CTNNA3: variants seen among roughly 807,000 people sequenced by gnomAD.
CTNNA3 encodes catenin alpha-3.
In CTNNA3, 76 loss-of-function variants were observed where a neutral mutation model predicts 95.7. That is an observed-to-expected ratio of 0.79 (90% CI 0.66 to 0.96). The LOEUF (loss-of-function observed/expected upper bound fraction) is 0.96. CTNNA3 is among the 40% of genes least tolerant of loss of function. The pLI is 0.00. For synonymous variants in CTNNA3, 431 were observed against 374.4 expected, an observed-to-expected ratio of 1.15 and a Z score of -1.74; for missense variants, 1,191 against 1,089.8, an observed-to-expected ratio of 1.09 and a Z score of -1.31.
intron 13 of CTNNA3, among the ~76,000 whole-genome samples, chr10:66,243,692 C>A (rs1415908866): frequency 1.3e-5 from 2 of 152,158 alleles, no homozygotes; most frequent in African/African-American, 4.8e-5. Context: ...ACCTTGGGTA[C>A]ATGTTTTCAG....
intron 10 of CTNNA3, among the ~76,000 whole-genome samples, chr10:66,559,817 C>T (rs923714629): frequency 2.0e-5 from 3 of 152,030 alleles, no homozygotes; most frequent in Admixed American, 6.6e-5. Flanking sequence ...CCACGCCACC[C>T]CCTTTTAAGC....
chr10:67,481,023 T>C (rs905998723), intron 5 of CTNNA3, among the ~76,000 whole-genome samples: 1 of 152,244 alleles, frequency 6.6e-6, no homozygotes, highest in Non-Finnish European at 1.5e-5. Flanking sequence ...TTAGATTTTA[T>C]TAAAAGGTTT....
At chr10:66,980,950 A>G (rs951904683) in intron 7 of CTNNA3, among the ~76,000 whole-genome samples, 1 of 152,048 alleles carries the variant, frequency 6.6e-6, no homozygotes, top group African/African-American at 2.4e-5. Context: ...CTTGTTGCCC[A>G]GGCTGGAGTG....
chr10:66,423,879 C>T (rs1348242854), intron 11 of CTNNA3, among the ~76,000 whole-genome samples: 1 of 152,164 alleles, frequency 6.6e-6, no homozygotes, highest in African/African-American at 2.4e-5. Flanking sequence ...TTAACTCTTA[C>T]AGAATTTGCT....
chr10:66,692,521 A>C (rs1486623081), intron 9 of CTNNA3, among the ~76,000 whole-genome samples: 2 of 152,180 alleles, frequency 1.3e-5, no homozygotes, highest in African/African-American at 4.8e-5. Flanking sequence ...GAATGGAACC[A>C]AGTTGGAAAA....
chr10:67,512,293 T>C (rs1011091700), intron 5 of CTNNA3, among the ~76,000 whole-genome samples: 1 of 152,156 alleles, frequency 6.6e-6, no homozygotes, highest in African/African-American at 2.4e-5. Context: ...GGAATGTAAA[T>C]TGGTACAGCC....
intron 7 of CTNNA3, among the ~76,000 whole-genome samples, chr10:66,993,844 G>A (rs112374696): frequency 2.8e-4 from 42 of 151,842 alleles, no homozygotes; most frequent in Admixed American, 7.2e-4. Flanking sequence ...TATGTCCTTC[G>A]TCTAAGCTTT....
At chr10:67,089,375 C>A (rs1234442451) in intron 7 of CTNNA3, among the ~76,000 whole-genome samples, 2 of 152,042 alleles carry the variant, frequency 1.3e-5, no homozygotes, top group African/African-American at 2.4e-5. Context: ...AAAGTGCTTT[C>A]TTAAAAAATA....
chr10:66,143,459 G>A (rs78358144), intron 13 of CTNNA3, among the ~76,000 whole-genome samples: 2,341 of 152,146 alleles, frequency 0.015, 43 homozygotes, highest in African/African-American at 0.031. Context: ...CAGTTTGGTC[G>A]TCAAATATAT....
intron 11 of CTNNA3, among the ~76,000 whole-genome samples, chr10:66,454,997 A>T (rs1409930352): frequency 1.3e-5 from 2 of 152,010 alleles, no homozygotes; most frequent in Non-Finnish European, 2.9e-5. Context: ...AATCTGTATT[A>T]ATAGTCTAAT....
intron 5 of CTNNA3, among the ~76,000 whole-genome samples, chr10:67,467,860 C>G (rs1847658145): frequency 6.6e-6 from 1 of 151,496 alleles, no homozygotes; most frequent in Non-Finnish European, 1.5e-5. Flanking sequence ...ACAGGTGTGC[C>G]CCACCATGCC....
chr10:66,235,133 C>T (rs2089786396), intron 13 of CTNNA3, among the ~76,000 whole-genome samples: 1 of 152,148 alleles, frequency 6.6e-6, no homozygotes, highest in Non-Finnish European at 1.5e-5. Flanking sequence ...GGTCCTCAGA[C>T]AGGATAAGCC....
chr10:67,325,046 C>G (rs1365401774), intron 5 of CTNNA3, among the ~76,000 whole-genome samples: 30 of 152,112 alleles, frequency 2.0e-4, no homozygotes, highest in African/African-American at 7.0e-4. Context: ...ATAATACTCT[C>G]TGATTGTTAT....
At chr10:67,210,896 A>T (rs1864113153) in intron 6 of CTNNA3, among the ~76,000 whole-genome samples, 1 of 152,146 alleles carries the variant, frequency 6.6e-6, no homozygotes, top group Admixed American at 6.6e-5. Context: ...CTCATTTTGC[A>T]GTGCTCACAA....
intron 10 of CTNNA3, among the ~76,000 whole-genome samples, chr10:66,579,963 G>A (rs1215070335): frequency 1.3e-5 from 2 of 151,546 alleles, no homozygotes; most frequent in Non-Finnish European, 3.0e-5. Flanking sequence ...ATTTCTTTGG[G>A]CTTATCATGT....
intron 7 of CTNNA3, among the ~76,000 whole-genome samples, chr10:66,859,613 C>T (rs1381438043): frequency 6.7e-6 from 1 of 149,164 alleles, no homozygotes; most frequent in African/African-American, 2.5e-5. Flanking sequence ...TGTGGAGATT[C>T]CTCAGGGATC....
intron 11 of CTNNA3, among the ~76,000 whole-genome samples, chr10:66,490,183 T>C (rs1216737802): frequency 6.6e-6 from 1 of 152,168 alleles, no homozygotes; most frequent in African/African-American, 2.4e-5. Flanking sequence ...CTCTGAAGCC[T>C]TTACCATTTA....
At chr10:67,735,145 A>AC (rs532919061) in intron 1 of CTNNA3, among the ~76,000 whole-genome samples, 10,942 of 73,856 alleles carry the variant, frequency 0.15, 546 homozygotes, top group East Asian at 0.39. Flanking sequence ...ACACACACAC[A>AC]AACACACACA....
chr10:66,285,063 G>T (rs1435060257), intron 12 of CTNNA3, among the ~76,000 whole-genome samples: 2 of 151,750 alleles, frequency 1.3e-5, no homozygotes, highest in African/African-American at 4.8e-5. Flanking sequence ...TGACTAGTAA[G>T]GATTTCACCA....
Sources: gnomAD v4.1 joint callset for allele counts (sites outside exome capture counted in the v4.1 genomes callset) on GRCh38, gnomAD v4.1.1 for gene constraint, MANE v1.5 for transcripts, NCBI Gene and HGNC (gene_info 2026-07-23, HGNC 2026-07-21) for gene names.